TNKS2: variants seen among roughly 807,000 people sequenced by gnomAD.
The protein encoded by TNKS2 is tankyrase 2.
A neutral mutation model predicts 137.6 loss-of-function variants in TNKS2; 72 were observed. That is an observed-to-expected ratio of 0.52 (90% confidence interval 0.43 to 0.64). The LOEUF (loss-of-function observed/expected upper bound fraction) is 0.64, where lower values mean the gene tolerates loss of function less well. Among genes scored for constraint, TNKS2 ranks in the 30% least tolerant of loss-of-function variants. The pLI, the probability that TNKS2 is intolerant of heterozygous loss-of-function variation, is 0.00. For missense variants in TNKS2, 1,049 were observed against 1,410.2 expected, an observed-to-expected ratio of 0.74 and a Z score of 4.10; for synonymous variants, 516 against 512.1, an observed-to-expected ratio of 1.01 and a Z score of -0.10.
rs559517587 is a variant in TNKS2 at position 91,830,630 on chromosome 10, A to G, written c.1105-293A>G. Among the ~76,000 whole-genome samples the G allele has an allele frequency of 5.9e-5, 9 of 152,350 alleles. No homozygotes were observed. In the South Asian group the frequency reaches 1.7e-3, roughly 28 times the overall value. On this transcript the variant is annotated intron_variant, in intron 9 of 26. Coordinates refer to ENST00000371627, the MANE Select transcript of TNKS2 (RefSeq NM_025235.4). ...ACTTGGAAACAGTTTTGAAAAGGAT[A>G]TTGGTCACATTAAGGTTTTCATCAC...
At position 91,848,643 on chromosome 10, in the gene TNKS2, G is replaced by C. The variant is rs369959530; in HGVS notation, c.2611+8G>C. 4 of 1,612,780 alleles carry C rather than the reference G, an allele frequency of 2.5e-6. No homozygotes were observed. Among genetic ancestry groups the C allele is most frequent in the Admixed American group, 1.7e-5 (1 of 59,864 alleles). ...GTTTGGAGAAAAAGGAGGGTGAGAC[G>C]TTCTACAAAAATAACTTTCTAACTG... is the stretch of plus-strand genomic sequence containing the variant. On this transcript the variant is annotated splice_region_variant and intron_variant, in intron 19 of 26. Coordinates refer to ENST00000371627, the MANE Select transcript of TNKS2 (RefSeq NM_025235.4).
intron 12 of TNKS2, among the ~76,000 whole-genome samples, chr10:91,835,549 A>C (rs1422008585): frequency 1.4e-5 from 2 of 148,146 alleles, no homozygotes; most frequent in Non-Finnish European, 3.0e-5. Context: ...TTGGCCTCCC[A>C]AAGTGCTGGG....
intron 1 of TNKS2, among the ~76,000 whole-genome samples, chr10:91,807,838 C>CAAAA (rs1237107357): frequency 4.8e-4 from 73 of 151,386 alleles, no homozygotes; most frequent in Non-Finnish European, 8.4e-4. Flanking sequence ...ACTAAAAATA[C>CAAAA]AAAAAAAATT....
rs542564914 is a variant in TNKS2, at chr10:91,861,624, C to T, written c.3282-375C>T. ...AAATATATTTTGAAGGTAAAATCAA[C>T]TGGAGTTAATTAGATATGTGTCCAA... On this transcript the variant is annotated intron_variant, in intron 25 of 26. Transcript: ENST00000371627. Among the ~76,000 whole-genome samples the T allele has an allele frequency of 5.3e-5, 8 of 152,280 alleles. No individual in the cohort carries two copies. The South Asian group carries it at 1.2e-3, about 24-fold the overall frequency.
At chr10:91,803,982 T>G (rs913487970) in intron 1 of TNKS2, among the ~76,000 whole-genome samples, 8 of 152,180 alleles carry the variant, frequency 5.3e-5, no homozygotes, top group African/African-American at 4.8e-5. Context: ...TGTAGGAACT[T>G]GACTGCCTCA....
chr10:91,798,972 C>G, intron 1 of TNKS2, 83 bp downstream of exon 1: 5 of 1,268,012 alleles, frequency 3.9e-6, no homozygotes, highest in Non-Finnish European at 5.0e-6. Flanking sequence ...CAGTGCTCCT[C>G]CGCCTCCCGA....
At chr10:91,841,176 G>T in intron 14 of TNKS2, 107 bp from the exon 15 acceptor site, 1 of 1,035,922 alleles carries the variant, frequency 9.7e-7, no homozygotes. Flanking sequence ...AGTATAATCA[G>T]TATAATTCCT....
intron 7 of TNKS2, among the ~76,000 whole-genome samples, chr10:91,825,913 CTT>C (rs1275563719): frequency 6.6e-6 from 1 of 152,210 alleles, no homozygotes; most frequent in Non-Finnish European, 1.5e-5. Flanking sequence ...TTAGAAGACT[CTT>C]TGACATTTTC....
intron 18 of TNKS2, among the ~76,000 whole-genome samples, chr10:91,847,818 C>G (rs1353793249): frequency 6.6e-6 from 1 of 152,208 alleles, no homozygotes; most frequent in Non-Finnish European, 1.5e-5. Context: ...TTCAGAGTAA[C>G]TACAATAGGA....
chr10:91,849,703 T>A, intron 20 of TNKS2, 109 bp downstream of exon 20: 1 of 795,322 alleles, frequency 1.3e-6, no homozygotes, highest in South Asian at 2.5e-5. Context: ...GGGAGAATGT[T>A]TTTTAAGAAA....
chr10:91,835,669 C>T (rs914509735), intron 12 of TNKS2, among the ~76,000 whole-genome samples: 6 of 148,550 alleles, frequency 4.0e-5, no homozygotes, highest in African/African-American at 1.5e-4. Flanking sequence ...CTCTTGTCAC[C>T]CAGGCTGGAG....
At chr10:91,840,757 T>A (rs1589679924) in intron 14 of TNKS2, 51 bp downstream of exon 14, 2 of 1,518,662 alleles carry the variant, frequency 1.3e-6, no homozygotes, top group East Asian at 4.6e-5. Flanking sequence ...TACTTGACCT[T>A]TTTAGGAAAA....
chr10:91,821,704 A>C (rs1200686269), intron 6 of TNKS2, among the ~76,000 whole-genome samples: 1 of 152,216 alleles, frequency 6.6e-6, no homozygotes, highest in Non-Finnish European at 1.5e-5. Flanking sequence ...AAGTTTTAAA[A>C]ATGAGCCAGT....
In TNKS2 at chr10:91,798,668, T is replaced by G; in HGVS notation, c.-23T>G. 1 of 1,222,424 alleles carries G rather than the reference T, an allele frequency of 8.2e-7. No individual in the cohort carries two copies. Among genetic ancestry groups the G allele is most frequent in the Non-Finnish European group, 1.0e-6 (1 of 980,024 alleles). 75.7% of individuals were successfully genotyped at this position (1,222,424 alleles called of 1,614,324 possible). On this transcript the variant is annotated 5_prime_UTR_variant, in exon 1 of 27. Coordinates refer to ENST00000371627, the MANE Select transcript of TNKS2 (RefSeq NM_025235.4). The stretch of plus-strand genomic sequence containing the variant: ...CTGCTCCGGTTGCTGGCGCTGTTGC[T>G]GGCTGTGGCGGCGGCCAGGATCATG...
chr10:91,857,395 G>A (rs1281092249), intron 23 of TNKS2, 30 bp from the exon 24 acceptor site: 1 of 1,520,206 alleles, frequency 6.6e-7, no homozygotes, highest in Admixed American at 1.8e-5. Context: ...AATTCCTAAA[G>A]ATTTGATTTT....
intron 22 of TNKS2, 152 bp downstream of exon 22, chr10:91,855,278 A>G (rs991627223): frequency 3.3e-5 from 21 of 632,442 alleles, no homozygotes; most frequent in Non-Finnish European, 4.7e-5. Flanking sequence ...CTAGAGTAAT[A>G]TTACTCTAGA....
chr10:91,805,407 AC>A (rs1219496447), intron 1 of TNKS2, among the ~76,000 whole-genome samples: 1 of 152,092 alleles, frequency 6.6e-6, no homozygotes, highest in Admixed American at 6.5e-5. Flanking sequence ...TAATCACTTT[AC>A]CCATTCTACC....
chr10:91,799,024 C>T (rs962223013), intron 1 of TNKS2, 135 bp downstream of exon 1: 2 of 1,227,066 alleles, frequency 1.6e-6, no homozygotes, highest in Admixed American at 8.5e-5. Flanking sequence ...CGCTCTCTTC[C>T]AGTGGGGACT....
At chr10:91,844,394 A>G (rs1363500463) in intron 16 of TNKS2, among the ~76,000 whole-genome samples, 1 of 152,156 alleles carries the variant, frequency 6.6e-6, no homozygotes, top group Non-Finnish European at 1.5e-5. Context: ...AAGTTCCTCT[A>G]CTAGACTTGC....
Sources: allele counts gnomAD v4.1 joint callset (sites outside exome capture counted in the v4.1 genomes callset), GRCh38; gene constraint gnomAD v4.1.1; transcripts MANE v1.5; gene names NCBI Gene and HGNC (gene_info 2026-07-23, HGNC 2026-07-21).